ZNF503: variants seen among roughly 807,000 people sequenced by gnomAD.
ZNF503 encodes the protein NocA-like zinc finger 2.
ZNF503 carries 15 observed loss-of-function variants against 34.4 expected under a neutral mutation model. That is an observed-to-expected ratio of 0.44 (90% CI 0.29 to 0.67). The LOEUF is 0.67. Among genes scored for constraint, ZNF503 ranks in the 30% least tolerant of loss-of-function variants. The probability of loss-of-function intolerance (pLI) is 0.13; values close to 1 mark genes in which losing one functional copy is unlikely to be tolerated. For missense variants in ZNF503, 1,007 were observed against 926.8 expected (o/e 1.09, Z -1.12); for synonymous variants, 580 against 456.8 (o/e 1.27, Z -3.44).
chr10:75,296,504 C>T, the ZNF503 span: 1 of 151,982 alleles, frequency 6.6e-6, no homozygotes, highest in South Asian at 2.1e-4. Flanking sequence ...AGACACCCCC[C>T]CTTCCTCCAG....
the ZNF503 span, among the ~76,000 whole-genome samples, chr10:75,338,740 G>C: frequency 3.3e-5 from 5 of 152,216 alleles, no homozygotes; most frequent in African/African-American, 1.2e-4. Context: ...ATAATGGAAG[G>C]TGTCGCCATA....
rs1188285501 is a variant in ZNF503 at position 75,401,412 on chromosome 10, G to C, written c.8C>G (p.Thr3Arg). Residue 3 changes from threonine to arginine, a missense_variant, in exon 1 of 2, where the codon ACA (threonine) becomes AGA (arginine). Coordinates refer to ENST00000372524, the MANE Select transcript of ZNF503 (RefSeq NM_032772.6). MS[T>R]APSLSALRSS... is the part of the protein sequence containing the mutation. ...TCTTAGGGCAGAAAGCGAGGGCGCT[G>C]TGCTCATGACCCACCCGCGCGCATG... The C allele has an allele frequency of 2.6e-6, 4 of 1,538,210 alleles. No homozygotes were observed. The South Asian group carries it at 4.8e-5, about 18-fold the overall frequency.
chr10:75,316,184 G>A, the ZNF503 span, among the ~76,000 whole-genome samples: 2 of 151,990 alleles, frequency 1.3e-5, no homozygotes, highest in African/African-American at 4.8e-5. Flanking sequence ...AAATCAATAA[G>A]GAAACATTGG....
chr10:75,387,657 C>T, the ZNF503 span, among the ~76,000 whole-genome samples: 1 of 152,120 alleles, frequency 6.6e-6, no homozygotes, highest in Non-Finnish European at 1.5e-5. Context: ...GGACATGGGT[C>T]AGAGGATGTG....
chr10:75,336,614 C>T, the ZNF503 span, among the ~76,000 whole-genome samples: 3 of 152,200 alleles, frequency 2.0e-5, no homozygotes, highest in Admixed American at 6.5e-5. Context: ...TATGTCTCAG[C>T]TCTGTGGGTC....
At chr10:75,343,904 G>A in the ZNF503 span, among the ~76,000 whole-genome samples, 38 of 152,340 alleles carry the variant, frequency 2.5e-4, no homozygotes, top group Admixed American at 1.1e-3. Flanking sequence ...TGTGCGGGGG[G>A]TGACATCTGC....
At chr10:75,380,760 GA>G in the ZNF503 span, among the ~76,000 whole-genome samples, 1 of 152,126 alleles carries the variant, frequency 6.6e-6, no homozygotes, top group Non-Finnish European at 1.5e-5. Context: ...AAAATACCAA[GA>G]GACAAAGGGG....
At chr10:75,308,980 C>T in the ZNF503 span, among the ~76,000 whole-genome samples, 2 of 152,044 alleles carry the variant, frequency 1.3e-5, no homozygotes, top group Admixed American at 1.3e-4. Flanking sequence ...TAGCTGGGAC[C>T]ACAGGTGCAT....
chr10:75,381,781 T>TGTC, the ZNF503 span, among the ~76,000 whole-genome samples: 11 of 141,934 alleles, frequency 7.8e-5, no homozygotes, highest in Admixed American at 7.3e-5. Context: ...TTTCATTTTC[T>TGTC]GTCACTTGCC....
chr10:75,313,313 T>C, the ZNF503 span, among the ~76,000 whole-genome samples: 7 of 152,094 alleles, frequency 4.6e-5, no homozygotes, highest in South Asian at 2.1e-4. Flanking sequence ...AATCCAATAA[T>C]AGACTCATTC....
chr10:75,394,061 C>T (rs536782219), downstream of ZNF503, among the ~76,000 whole-genome samples: 8 of 152,290 alleles, frequency 5.3e-5, no homozygotes, highest in South Asian at 1.7e-3. Flanking sequence ...GGTGAGAATC[C>T]CTGCTTATAG....
At chr10:75,287,797 A>G in the ZNF503 span, among the ~76,000 whole-genome samples, 1 of 152,194 alleles carries the variant, frequency 6.6e-6, no homozygotes, top group East Asian at 1.9e-4. Flanking sequence ...CCTCATATCC[A>G]TGCCCCTGGA....
At chr10:75,302,426 T>A in the ZNF503 span, among the ~76,000 whole-genome samples, 3 of 152,346 alleles carry the variant, frequency 2.0e-5, no homozygotes, top group South Asian at 6.2e-4. Context: ...TTGGCCATTT[T>A]ATCTTCAAAT....
the ZNF503 span, among the ~76,000 whole-genome samples, chr10:75,342,545 C>T: frequency 6.6e-6 from 1 of 151,996 alleles, no homozygotes; most frequent in African/African-American, 2.4e-5. Context: ...TGGGTGCCAT[C>T]GCTTGGCAGG....
the ZNF503 span, among the ~76,000 whole-genome samples, chr10:75,372,716 G>A: frequency 6.6e-6 from 1 of 152,196 alleles, no homozygotes; most frequent in South Asian, 2.1e-4. Flanking sequence ...CTAATGTACT[G>A]TGGGCAACGA....
the ZNF503 span, among the ~76,000 whole-genome samples, chr10:75,318,668 C>CAA: frequency 9.0e-4 from 106 of 117,294 alleles, no homozygotes; most frequent in East Asian, 4.4e-3. Context: ...GATCCTGTCT[C>CAA]AAAAAAAAAA....
the ZNF503 span, chr10:75,283,362 G>A: frequency 1.3e-5 from 2 of 152,322 alleles, no homozygotes; most frequent in Non-Finnish European, 2.9e-5. Context: ...AGACATACGT[G>A]TGGCTGGTGT....
At chr10:75,385,622 G>A in the ZNF503 span, among the ~76,000 whole-genome samples, 1 of 152,174 alleles carries the variant, frequency 6.6e-6, no homozygotes, top group Non-Finnish European at 1.5e-5. Context: ...GGGTCCCAGG[G>A]GTGTGCATTT....
the ZNF503 span, among the ~76,000 whole-genome samples, chr10:75,360,362 G>A: frequency 1.3e-5 from 2 of 151,930 alleles, no homozygotes; most frequent in African/African-American, 2.4e-5. Context: ...TCTTGACCTC[G>A]TGATCCACCC....
Sources: allele counts gnomAD v4.1 joint callset (sites outside exome capture counted in the v4.1 genomes callset), GRCh38; gene constraint gnomAD v4.1.1; transcripts MANE v1.5; gene names NCBI Gene and HGNC (gene_info 2026-07-23, HGNC 2026-07-21).